USH2A: variants seen among roughly 807,000 people sequenced by gnomAD.
The protein encoded by USH2A is Usher syndrome 2A (autosomal recessive, mild).
USH2A carries 443 observed loss-of-function variants against 538.9 expected under a neutral mutation model. That is an observed-to-expected ratio of 0.82 (90% CI 0.76 to 0.89). The LOEUF (loss-of-function observed/expected upper bound fraction) is 0.89, where lower values mean the gene tolerates loss of function less well. Ranked by LOEUF, USH2A falls within the 40% of genes least tolerant of loss-of-function variation. The probability of loss-of-function intolerance (pLI) is 0.00; values close to 1 mark genes in which losing one functional copy is unlikely to be tolerated. For missense variants in USH2A, 6,633 were observed against 6,324.8 expected (o/e 1.05, Z -1.65); for synonymous variants, 2,413 against 2,273.5 (o/e 1.06, Z -1.75).
chr1:215,836,460 T>A (rs1663488894), intron 47 of USH2A, among the ~76,000 whole-genome samples: 1 of 35,478 alleles, frequency 2.8e-5, no homozygotes, highest in East Asian at 7.3e-4. Context: ...TGTGTGTATA[T>A]ATATTATATA....
At chr1:216,287,624 T>A (rs571507224) in intron 11 of USH2A, among the ~76,000 whole-genome samples, 59 of 152,184 alleles carry the variant, frequency 3.9e-4, no homozygotes, top group African/African-American at 1.4e-3. Context: ...GAAATAGAAG[T>A]TTGAGTTCAG....
Position 215,878,911 on chromosome 1 carries a change from C to T in USH2A, c.8411G>A (p.Gly2804Glu), listed in dbSNP as rs370874595. The T allele has an allele frequency of 5.6e-6, 9 of 1,613,850 alleles. No individual in the cohort carries two copies. The highest frequency in any genetic ancestry group is 6.8e-6 in the Non-Finnish European group (8 of 1,179,968). ...GGTAGGTAAACTCTCTGTGCACCCTCCAAGGTACCCATTACCCCCTGAGCA... is the reference window on the plus strand; with the variant it reads ...GGTAGGTAAACTCTCTGTGCACCCTTCAAGGTACCCATTACCCCCTGAGCA... ...VACSGGNGYL[G>E]GCTESLPTYV... is the part of the protein sequence containing the mutation. Residue 2804 changes from glycine (G) to glutamate (E), a missense_variant, in exon 42 of 72, where the codon GGA becomes GAA. Transcript: ENST00000307340.
At position 216,029,958 on chromosome 1, in the gene USH2A, TGATA is replaced by T. The variant is rs148666970; in HGVS notation, c.6325+16469_6325+16472del. On this transcript the variant is annotated intron_variant, in intron 32 of 71. Transcript: ENST00000307340. The stretch of plus-strand genomic sequence containing the variant: ...ACTGATAGAATGGTTAAAGAAAATG[TGATA>T]GATAGATAGAGAGAGATATAGATAT... Among the ~76,000 whole-genome samples, 1,017 of 144,116 alleles carry T rather than the reference TGATA, an allele frequency of 7.1e-3. 8 individuals carry two copies. Among genetic ancestry groups the T allele is most frequent in the African/African-American group, 0.024 (968 of 39,932 alleles). 94.5% of individuals were successfully genotyped at this position (144,116 alleles called of 152,430 possible).
At chr1:216,275,746 T>G (rs1264082198) in intron 11 of USH2A, among the ~76,000 whole-genome samples, 1 of 152,164 alleles carries the variant, frequency 6.6e-6, no homozygotes, top group African/African-American at 2.4e-5. Flanking sequence ...GTCTCTAATA[T>G]CAACCAAATC....
At position 216,048,761 on chromosome 1, in the gene USH2A, C is replaced by T. The variant is rs114614919; in HGVS notation, c.6050-114G>A. 8.2e-4 allele frequency: 742 copies of T among 904,698 alleles called. 5 individuals carry two copies. In the African/African-American group the frequency reaches 0.011, roughly 14 times the overall value. 56.0% of individuals were successfully genotyped at this position (904,698 alleles called of 1,614,324 possible). On this transcript the variant is annotated intron_variant, in intron 30 of 71. Transcript: ENST00000307340. The stretch of plus-strand genomic sequence containing the variant: ...AGAGAGAGAGACAAAAACAAAGAGA[C>T]CAGAGACAGAAATCAAAAACATATT...
chr1:215,786,873 T>A lies in USH2A; in HGVS notation c.10184A>T (p.Glu3395Val). Residue 3395 changes from glutamate (E) to valine (V), a missense_variant and splice_region_variant, in exon 52 of 72, where the codon GAA becomes GTA. Physicochemically the swap from Glu to Val is moderately radical, Grantham distance 121 (BLOSUM62 -2). Transcript: ENST00000307340. ...GCAGAGGATCCTGCACTCTTTGGTT[T>A]CCTGAGTCAAGTGGCAGGGGTGAGA... The part of the protein sequence containing the change: ...DKISTGMMMK[E>V]TKECRILCPA... The A allele has an allele frequency of 6.2e-7, 1 of 1,613,824 alleles. No homozygotes were observed. The highest frequency in any genetic ancestry group is 1.1e-5 in the South Asian group (1 of 91,088).
In USH2A at chr1:215,642,448, A is replaced by G. The variant is rs763083998; in HGVS notation, c.14792-1714T>C. ...TTGTTGAAAAGAACAGAATTTACCA[A>G]TTCACCCTATGGGTGCTCTCCAGTG... On this transcript the variant is annotated intron_variant, in intron 67 of 71. Transcript: ENST00000307340. Among the ~76,000 whole-genome samples, 4 of 152,156 alleles carry G rather than the reference A, an allele frequency of 2.6e-5. No homozygotes were observed. In the East Asian group the frequency reaches 5.8e-4, roughly 22 times the overall value.
At chr1:215,630,371 C>T (rs969772079) in intron 70 of USH2A, 2 of 423,036 alleles carry the variant, frequency 4.7e-6, no homozygotes, top group East Asian at 7.0e-5. Flanking sequence ...CTCTGATGTA[C>T]ATATATATCC....
intron 20 of USH2A, among the ~76,000 whole-genome samples, chr1:216,182,100 T>C (rs1044778499): frequency 1.3e-5 from 2 of 152,054 alleles, no homozygotes; most frequent in Non-Finnish European, 2.9e-5. Flanking sequence ...TGTAAATTTT[T>C]TATATATGTC....
At position 215,825,551 on chromosome 1, in the gene USH2A, T is replaced by G. The variant is rs370157002; in HGVS notation, c.9372-8356A>C. On this transcript the variant is annotated intron_variant, in intron 47 of 71. Transcript: ENST00000307340. ...ATTTTTCCCCAATTTTTTCAAAACA[T>G]TTTTGTTTGACCAGAGAAAAGAAAT... Among the ~76,000 whole-genome samples the G allele has an allele frequency of 8.6e-4, 131 of 152,300 alleles. 1 individual carries two copies. Among genetic ancestry groups the G allele is most frequent in the South Asian group, 8.3e-3 (40 of 4,824 alleles).
chr1:216,040,637 G>A lies in USH2A; in HGVS notation c.6325+5794C>T, dbSNP rs77151534. On this transcript the variant is annotated intron_variant, in intron 32 of 71. Transcript: ENST00000307340. ...TCAGGTGCTGTCCAGCCTGAACTTT[G>A]AAACAATCCTGGTATGTTGAACAGT... Among the ~76,000 whole-genome samples the A allele has an allele frequency of 3.2e-3, 481 of 152,062 alleles. 22 individuals are homozygous for A. In the East Asian group the frequency reaches 0.078, roughly 25 times the overall value.
chr1:216,380,077 T>A (rs1235968682), intron 3 of USH2A, among the ~76,000 whole-genome samples: 4 of 152,200 alleles, frequency 2.6e-5, no homozygotes, highest in Admixed American at 2.6e-4. Flanking sequence ...AGGAATTTAG[T>A]TTTATTTCAC....
At chr1:215,684,202 G>A (rs980653157) in intron 61 of USH2A, among the ~76,000 whole-genome samples, 1 of 152,142 alleles carries the variant, frequency 6.6e-6, no homozygotes, top group African/African-American at 2.4e-5. Context: ...TGTCAGTTGA[G>A]GTTCTGCTGG....
Position 216,139,644 on chromosome 1 carries a change from A to G in USH2A, c.4627+35608T>C, listed in dbSNP as rs960869770. On this transcript the variant is annotated intron_variant, in intron 21 of 71. Coordinates refer to ENST00000307340, the MANE Select transcript of USH2A (RefSeq NM_206933.4). ...TAGTCTTCCCAAAATGTACTTCTAA[A>G]TAGATTCAGTTCAGTGAGTTCAAAA... Among the ~76,000 whole-genome samples, 9 of 152,258 alleles carry G rather than the reference A, an allele frequency of 5.9e-5. No individual in the cohort carries two copies. In the East Asian group the frequency reaches 1.7e-3, roughly 29 times the overall value.
intron 11 of USH2A, among the ~76,000 whole-genome samples, chr1:216,251,691 C>T (rs561392298): frequency 2.6e-5 from 4 of 152,036 alleles, no homozygotes; most frequent in Non-Finnish European, 4.4e-5. Context: ...CCGCCCGCCT[C>T]GGCCTCCCAA....
rs755595217 is a variant in USH2A, at chr1:216,073,174, C to T, written c.5699G>A (p.Cys1900Tyr). 1 of 1,613,838 alleles carries T rather than the reference C, an allele frequency of 6.2e-7. No homozygotes were observed. The highest frequency in any genetic ancestry group is 8.5e-7 in the Non-Finnish European group (1 of 1,179,944). The change falls in exon 28 of 72, where the codon TGC becomes TAC. Residue 1900 changes from cysteine to tyrosine, a missense_variant. Transcript: ENST00000307340. ...AACCAGGATGGAGTCATTTCCCCTG[C>T]AGTTAACAGCACTGTCAGTTGATAG... is the stretch of plus-strand genomic sequence containing the variant. ...GCLSTDSAVN[C>Y]RGNDSILVYQ... is the part of the protein sequence containing the mutation.
chr1:215,677,886 G>T (rs1458636873), intron 62 of USH2A, among the ~76,000 whole-genome samples: 1 of 152,152 alleles, frequency 6.6e-6, no homozygotes, highest in Admixed American at 6.6e-5. Flanking sequence ...ACTCTCAGGA[G>T]TTTTAGACTT....
At chr1:216,219,930 C>G (rs115311315) in intron 14 of USH2A, among the ~76,000 whole-genome samples, 1 of 152,114 alleles carries the variant, frequency 6.6e-6, no homozygotes, top group Non-Finnish European at 1.5e-5. Flanking sequence ...TCTTTGGACC[C>G]TTACATAACT....
intron 32 of USH2A, among the ~76,000 whole-genome samples, chr1:216,004,474 G>A (rs1478980856): frequency 3.3e-5 from 5 of 152,028 alleles, no homozygotes; most frequent in East Asian, 1.9e-4. Context: ...ATTAAAAATC[G>A]GCCATCGGGT....
Sources: allele counts gnomAD v4.1 joint callset (sites outside exome capture counted in the v4.1 genomes callset), GRCh38; gene constraint gnomAD v4.1.1; transcripts MANE v1.5; gene names NCBI Gene and HGNC (gene_info 2026-07-23, HGNC 2026-07-21).